TENT5B: variants seen among roughly 807,000 people sequenced by gnomAD.
TENT5B encodes the protein terminal nucleotidyltransferase 5B, also known as family with sequence similarity 46 member B.
TENT5B carries 12 observed loss-of-function variants against 21.7 expected under a neutral mutation model. The observed-to-expected ratio is 0.55, with a 90% CI of 0.36 to 0.90. TENT5B has a LOEUF of 0.90. Ranked by LOEUF, TENT5B falls within the 40% of genes least tolerant of loss-of-function variation. TENT5B has a pLI of 0.01. For synonymous variants in TENT5B, 262 were observed against 266.6 expected, an observed-to-expected ratio of 0.98 and a Z score of 0.17; for missense variants, 540 against 601.5, an observed-to-expected ratio of 0.90 and a Z score of 1.07.
Position 27,012,518 on chromosome 1 carries a change from C to T in TENT5B, c.153G>A (p.Gly51=). The T allele has an allele frequency of 6.2e-7, 1 of 1,606,522 alleles. No individual in the cohort carries two copies. ...LSAFPGRHLS[G]LSWPQVKRLD... is the part of the protein sequence containing the mutation. ...GTCGCTTCACCTGTGGCCAGCTCAG[C>T]CCACTCAGGTGCCGTCCGGGGAAGG... The change falls in exon 1 of 2, where the codon GGG becomes GGA. Residue 51 remains glycine, a synonymous_variant. Coordinates refer to ENST00000289166, the MANE Select transcript of TENT5B (RefSeq NM_052943.4).
intron 1 of TENT5B, among the ~76,000 whole-genome samples, chr1:27,011,161 G>A (rs2082621942): frequency 6.7e-6 from 1 of 148,664 alleles, no homozygotes; most frequent in Non-Finnish European, 1.5e-5. Flanking sequence ...GAATGCCTCG[G>A]CGAACTCCAC....
chr1:27,011,837 A>G (rs1458186471), intron 1 of TENT5B, among the ~76,000 whole-genome samples: 1 of 152,176 alleles, frequency 6.6e-6, no homozygotes, highest in African/African-American at 2.4e-5. Flanking sequence ...CCTTCGGCTT[A>G]ATAAATATTG....
chr1:27,008,446 G>C (rs1197192119), intron 1 of TENT5B, among the ~76,000 whole-genome samples: 4 of 152,172 alleles, frequency 2.6e-5, no homozygotes, highest in Non-Finnish European at 5.9e-5. Flanking sequence ...TTTACCAGGG[G>C]AAGATATTGT....
rs371947912 is a variant in TENT5B, at chr1:27,006,229, G to A, written c.993C>T (p.Phe331=). 63 of 1,610,716 alleles carry A rather than the reference G, an allele frequency of 3.9e-5. No individual in the cohort carries two copies. The highest frequency in any genetic ancestry group is 5.2e-5 in the Non-Finnish European group (61 of 1,179,110). ...RTLERYLEAH[F]GGADAARRYA... ...AACGGCGGGCTGCATCTGCCCCACC[G>A]AAGTGGGCCTCCAGGTAGCGCTCTA... Residue 331 remains phenylalanine, a synonymous_variant, in exon 2 of 2, where the codon TTC becomes TTT. Coordinates refer to ENST00000289166, the MANE Select transcript of TENT5B (RefSeq NM_052943.4). This position sits in a 1 kb window ranked among gnomAD's most constrained non-coding sequence, Gnocchi z 9.4.
Position 27,012,392 on chromosome 1 carries a change from C to A in TENT5B, c.264+15G>T. ...GAAGGGATTCCCCCACATCCCCCGC[C>A]TGGCGTCCTCTCACCTGCACGATCT... On this transcript the variant is annotated intron_variant, in intron 1 of 1. Transcript: ENST00000289166. 6.2e-7 allele frequency: 1 copy of A among 1,608,914 alleles called. No homozygotes were observed. Among genetic ancestry groups the A allele is most frequent in the East Asian group, 2.2e-5 (1 of 44,742 alleles).
rs2082600162 is a variant in TENT5B at position 27,006,513 on chromosome 1, T to C, written c.709A>G (p.Met237Val). 1.9e-6 allele frequency: 3 copies of C among 1,613,920 alleles called. No individual in the cohort carries two copies. The highest frequency in any genetic ancestry group is 1.3e-5 in the African/African-American group (1 of 74,916). ...LLFGQCSSTP[M>V]SEAFHPTVTG... ...ACCGTTGGGTGGAAGGCCTCAGACA[T>C]GGGAGTGGACGAGCACTGGCCAAAG... is the stretch of plus-strand genomic sequence containing the variant. The change falls in exon 2 of 2, where the codon ATG (methionine) becomes GTG (valine). Residue 237 changes from methionine (M) to valine (V), a missense_variant. Physicochemically the swap from Met to Val is conservative, Grantham distance 21. Transcript: ENST00000289166. The surrounding 1 kb of genome is among the most constrained non-coding windows in gnomAD (Gnocchi z 9.4).
chr1:27,006,754 C>G lies in TENT5B; in HGVS notation c.468G>C (p.Pro156=). 2 of 1,613,990 alleles carry G rather than the reference C, an allele frequency of 1.2e-6. No individual in the cohort carries two copies. Among genetic ancestry groups the G allele is most frequent in the African/African-American group, 1.3e-5 (1 of 75,024 alleles). The change falls in exon 2 of 2, where the codon CCG becomes CCC. Residue 156 remains proline, a synonymous_variant. Transcript: ENST00000289166. This position sits in a 1 kb window ranked among gnomAD's most constrained non-coding sequence, Gnocchi z 9.4. ...TGATCTTGGCCCGGCTCACACCGGC[C>G]GGCAGGAAGTCTAGTAGGCAGGCCA... ...VVLACLLDFL[P]AGVSRAKITP...
chr1:27,012,356 C>G (rs566005435), intron 1 of TENT5B, 51 bp downstream of exon 1: 8 of 1,580,962 alleles, frequency 5.1e-6, no homozygotes, highest in African/African-American at 2.7e-5. Flanking sequence ...CTTCCAGCCA[C>G]GAGAGCCTCA....
rs548043696 is a variant in TENT5B, at chr1:27,011,163, G to A, written c.264+1244C>T. On this transcript the variant is annotated intron_variant, in intron 1 of 1. Transcript: ENST00000289166. ...GCGAGCAGCCGAGGAATGCCTCGGC[G>A]AACTCCACTGGGCCGCGTGTGAGTC... 2.7e-3 allele frequency among the ~76,000 whole-genome samples: 403 copies of A among 148,722 alleles called. 1 individual carries two copies. The highest frequency in any genetic ancestry group is 4.8e-3 in the Non-Finnish European group (327 of 67,988).
At chr1:27,010,864 C>A (rs2082620908) in intron 1 of TENT5B, among the ~76,000 whole-genome samples, 1 of 152,196 alleles carries the variant, frequency 6.6e-6, no homozygotes, top group African/African-American at 2.4e-5. Context: ...AGGCTGAGTC[C>A]TAGTCACATC....
chr1:27,008,345 A>G (rs1206023823), intron 1 of TENT5B, among the ~76,000 whole-genome samples: 4 of 152,132 alleles, frequency 2.6e-5, no homozygotes, highest in Non-Finnish European at 5.9e-5. Flanking sequence ...GAATTACTAC[A>G]AAGAATGCAC....
chr1:27,007,959 G>C (rs970869403), intron 1 of TENT5B, among the ~76,000 whole-genome samples: 4 of 152,098 alleles, frequency 2.6e-5, no homozygotes, highest in Admixed American at 2.6e-4. Flanking sequence ...ATGTCCTTTT[G>C]ACTACAATGC....
In TENT5B at chr1:27,012,761, G is replaced by A; in HGVS notation, c.-91C>T. The A allele has an allele frequency of 7.4e-7, 1 of 1,354,464 alleles. No homozygotes were observed. Among genetic ancestry groups the A allele is most frequent in the South Asian group, 1.7e-5 (1 of 59,388 alleles). 83.9% of individuals were successfully genotyped at this position (1,354,464 alleles called of 1,614,324 possible). ...AGCGGCTGGGCAGGGGCCAAGGCGG[G>A]GGGCACGAAGGCAGGGACGGGGCGG... On this transcript the variant is annotated 5_prime_UTR_variant, in exon 1 of 2. Coordinates refer to ENST00000289166, the MANE Select transcript of TENT5B (RefSeq NM_052943.4).
At chr1:27,010,430 C>A (rs2082618378) in intron 1 of TENT5B, among the ~76,000 whole-genome samples, 3 of 152,098 alleles carry the variant, frequency 2.0e-5, no homozygotes, top group African/African-American at 7.2e-5. Flanking sequence ...CTCCCCGCCC[C>A]CATCCCTGCA....
intron 1 of TENT5B, among the ~76,000 whole-genome samples, chr1:27,011,275 C>T (rs984175845): frequency 6.6e-6 from 1 of 152,182 alleles, no homozygotes; most frequent in Non-Finnish European, 1.5e-5. Context: ...CAACCCTCCC[C>T]CTCTGTGGGA....
chr1:27,007,549 G>T lies in TENT5B; in HGVS notation c.265-592C>A, dbSNP rs887609554. Among the ~76,000 whole-genome samples the T allele has an allele frequency of 2.0e-5, 3 of 150,624 alleles. No individual in the cohort carries two copies. The East Asian group carries it at 5.8e-4, about 29-fold the overall frequency. ...TGGGATTACAGGGGCCTGCCACTGT[G>T]CCCGGCTAATTTTTGTATTTTTAGT... On this transcript the variant is annotated intron_variant, in intron 1 of 1. Coordinates refer to ENST00000289166, the MANE Select transcript of TENT5B (RefSeq NM_052943.4).
At position 27,006,306 on chromosome 1, in the gene TENT5B, A is replaced by C; in HGVS notation, c.916T>G (p.Cys306Gly). The change falls in exon 2 of 2, where the codon TGC becomes GGC. Residue 306 changes from cysteine (C) to glycine (G), a missense_variant. Physicochemically the swap from Cys to Gly is radical, Grantham distance 159 (BLOSUM62 -3). Coordinates refer to ENST00000289166, the MANE Select transcript of TENT5B (RefSeq NM_052943.4). This position sits in a 1 kb window ranked among gnomAD's most constrained non-coding sequence, Gnocchi z 9.4. ...GGAAAGTCGATGAAGAAGCGGGAGCACATGTAGCGCTGCAGGGCGCGCACA... is the reference window on the plus strand; with the variant it reads ...GGAAAGTCGATGAAGAAGCGGGAGCCCATGTAGCGCTGCAGGGCGCGCACA... Reference protein sequence around the residue: ...TDVRALQRYMCSRFFIDFPDL... With the variant: ...TDVRALQRYMGSRFFIDFPDL... The C allele has an allele frequency of 1.2e-6, 2 of 1,611,496 alleles. No homozygotes were observed. The highest frequency in any genetic ancestry group is 1.7e-6 in the Non-Finnish European group (2 of 1,178,920).
rs752570941 is a variant in TENT5B at position 27,006,051 on chromosome 1, G to A, written c.1171C>T (p.Arg391Cys). ...ACAACCCCGTCAGTGCCTGGAGGGC[G>A]CCAGGCCAGGGCGGCAGTGGCAGCT... Reference protein sequence around the residue: ...GPAATAALAWRPPGTDGVVPA... With the variant: ...GPAATAALAWCPPGTDGVVPA... Residue 391 changes from arginine (R) to cysteine (C), a missense_variant, in exon 2 of 2, where the codon CGC becomes TGC. Physicochemically the swap from Arg to Cys is radical, Grantham distance 180. Coordinates refer to ENST00000289166, the MANE Select transcript of TENT5B (RefSeq NM_052943.4). This position sits in a 1 kb window ranked among gnomAD's most constrained non-coding sequence, Gnocchi z 9.4. The A allele has an allele frequency of 6.8e-6, 11 of 1,611,354 alleles. No individual in the cohort carries two copies. The highest frequency in any genetic ancestry group is 2.2e-5 in the East Asian group (1 of 44,864).
In TENT5B at chr1:27,006,344, C is replaced by T. The variant is rs374661808; in HGVS notation, c.878G>A (p.Arg293Gln). The T allele has an allele frequency of 2.2e-5, 35 of 1,610,680 alleles. No homozygotes were observed. Among genetic ancestry groups the T allele is most frequent in the Non-Finnish European group, 2.5e-5 (30 of 1,178,566 alleles). The change falls in exon 2 of 2, where the codon CGG (arginine) becomes CAG (glutamine). Residue 293 changes from arginine to glutamine, a missense_variant. Transcript: ENST00000289166. The surrounding 1 kb of genome is among the most constrained non-coding windows in gnomAD (Gnocchi z 9.4). ...CHLLVRGFRP[R>Q]PSTDVRALQR... ...CAGGGCGCGCACATCGGTGCTGGGC[C>T]GGGGCCGGAAGCCCCGCACCAGGAG...
Sources: allele counts gnomAD v4.1 joint callset (sites outside exome capture counted in the v4.1 genomes callset), GRCh38; gene constraint gnomAD v4.1.1; non-coding constraint Gnocchi (gnomAD v3.1); transcripts MANE v1.5; gene names NCBI Gene and HGNC (gene_info 2026-07-23, HGNC 2026-07-21).